The following SSH1 variants were observed in gnomAD, a reference collection of about 807,000 sequenced individuals.
SSH1 encodes slingshot protein phosphatase 1.
Under a neutral mutation model 79.7 loss-of-function variants are expected in SSH1, and 43 were observed. The ratio of observed to expected loss-of-function variants is 0.54; its 90% CI spans 0.42 to 0.70. The LOEUF is 0.70. Ranked by LOEUF, SSH1 falls within the 30% of genes least tolerant of loss-of-function variation. The probability of loss-of-function intolerance (pLI) is 0.00; values close to 1 mark genes in which losing one functional copy is unlikely to be tolerated. For synonymous variants in SSH1, 599 were observed against 538.3 expected (o/e 1.11, Z -1.56); for missense variants, 1,206 against 1,358.8 (o/e 0.89, Z 1.77).
At chr12:108,832,611 T>C (rs2038501419) in intron 2 of SSH1, among the ~76,000 whole-genome samples, 1 of 152,170 alleles carries the variant, frequency 6.6e-6, no homozygotes, top group Admixed American at 6.5e-5. Flanking sequence ...AAATTCACCA[T>C]TTGGAGAGAG....
At chr12:108,831,225 C>A (rs901890304) in intron 2 of SSH1, among the ~76,000 whole-genome samples, 1 of 152,118 alleles carries the variant, frequency 6.6e-6, no homozygotes, top group Non-Finnish European at 1.5e-5. Flanking sequence ...ATAGAACTAA[C>A]CCTCAATGGT....
Position 108,806,337 on chromosome 12 carries a change from CATG to C in SSH1, c.786_788del (p.Ile262del), listed in dbSNP as rs1159900684. 1.2e-6 allele frequency: 2 copies of C among 1,614,052 alleles called. No homozygotes were observed. Among genetic ancestry groups the C allele is most frequent in the Non-Finnish European group, 1.7e-6 (2 of 1,180,042 alleles). On this transcript the variant is annotated inframe_deletion, in exon 9 of 15. Coordinates refer to ENST00000326495, the MANE Select transcript of SSH1 (RefSeq NM_018984.4). ...TCACATTTTCTAGATCCTGGCTCAT[CATG>C]ATGCTTCGGAGCTTGGCTTTGATGA...
intron 2 of SSH1, among the ~76,000 whole-genome samples, chr12:108,825,446 T>C (rs937271819): frequency 7.2e-5 from 11 of 152,218 alleles, no homozygotes; most frequent in South Asian, 2.1e-4. Flanking sequence ...AAGACTGTTA[T>C]GTTCTATGAT....
At chr12:108,799,273 A>C in intron 12 of SSH1, 73 bp from the exon 13 acceptor site, 1 of 1,271,064 alleles carries the variant, frequency 7.9e-7, no homozygotes, top group South Asian at 1.3e-5. Context: ...AAGCTCCAAC[A>C]ACTTCATTCT....
chr12:108,827,344 T>G (rs760368723), intron 2 of SSH1: 1 of 1,549,620 alleles, frequency 6.5e-7, no homozygotes, highest in African/African-American at 1.4e-5. Context: ...ATAAAAGAGG[T>G]TCGTGGCTGC....
intron 7 of SSH1, among the ~76,000 whole-genome samples, chr12:108,808,457 C>T (rs2037399251): frequency 6.6e-6 from 1 of 152,216 alleles, no homozygotes; most frequent in African/African-American, 2.4e-5. Context: ...CTCTTCCAAT[C>T]AGGTGGTTCA....
At chr12:108,800,328 G>A (rs562781775) in intron 12 of SSH1, among the ~76,000 whole-genome samples, 17 of 152,258 alleles carry the variant, frequency 1.1e-4, no homozygotes, top group Non-Finnish European at 1.5e-5. Context: ...AGGGAGGGAA[G>A]AAGGGCCGTA....
rs1313211174 is a variant in SSH1 at position 108,783,245 on chromosome 12, G to T, written c.*4743C>A. The T allele has an allele frequency of 6.6e-6, 1 of 152,258 alleles. No individual in the cohort carries two copies. 9.4% of individuals were successfully genotyped at this position (152,258 alleles called of 1,614,324 possible). The stretch of plus-strand genomic sequence containing the variant: ...GCAGGAACCGCCAGTGTTGTTTCTA[G>T]CAAGGCTCCTTGGAATAGATGTGAA... On this transcript the variant is annotated 3_prime_UTR_variant, in exon 15 of 15. Transcript: ENST00000326495.
Position 108,800,934 on chromosome 12 carries a change from G to T in SSH1, c.1002-8C>A. The T allele has an allele frequency of 6.2e-7, 1 of 1,610,540 alleles. No homozygotes were observed. Among genetic ancestry groups the T allele is most frequent in the African/African-American group, 1.3e-5 (1 of 74,768 alleles). Reference sequence around the variant, plus strand: ...TTTAAAATGTAATCAACCCTGCAATGAGAAAAAAATAAGAAACAAATTTGG... The same window carrying T: ...TTTAAAATGTAATCAACCCTGCAATTAGAAAAAAATAAGAAACAAATTTGG... On this transcript the variant is annotated splice_polypyrimidine_tract_variant and splice_region_variant and intron_variant, in intron 11 of 14. Coordinates refer to ENST00000326495, the MANE Select transcript of SSH1 (RefSeq NM_018984.4).
chr12:108,837,687 T>C (rs2038672727), intron 2 of SSH1, among the ~76,000 whole-genome samples: 1 of 152,238 alleles, frequency 6.6e-6, no homozygotes, highest in African/African-American at 2.4e-5. Context: ...ATAAACTGTG[T>C]AATGACCAAG....
intron 6 of SSH1, among the ~76,000 whole-genome samples, 164 bp downstream of exon 6, chr12:108,811,096 T>TC (rs796359723): frequency 2.6e-5 from 4 of 152,166 alleles, no homozygotes; most frequent in African/African-American, 9.6e-5. Flanking sequence ...AAACATACCC[T>TC]CCCTCGTGCC....
chr12:108,791,899 A>G, intron 14 of SSH1: 1 of 1,258,638 alleles, frequency 7.9e-7, no homozygotes, highest in Non-Finnish European at 1.0e-6. Flanking sequence ...GAAAAAGAAT[A>G]GTCATATATC....
Position 108,782,555 on chromosome 12 carries a change from T to G in SSH1, c.*5433A>C, listed in dbSNP as rs539767577. On this transcript the variant is annotated 3_prime_UTR_variant, in exon 15 of 15. Transcript: ENST00000326495. ...CTTTCTTTGGTGTAACTTGTCCAGG[T>G]TTTCTAGCAAAGAACTGAGCATGTA... 6 of 152,172 alleles carry G rather than the reference T, an allele frequency of 3.9e-5. No homozygotes were observed. Among genetic ancestry groups the G allele is most frequent in the African/African-American group, 1.2e-4 (5 of 41,530 alleles). The allele number at this position is 152,172 out of a possible 1,614,324, so 9.4% of individuals were successfully genotyped here.
intron 2 of SSH1, among the ~76,000 whole-genome samples, chr12:108,852,353 C>A (rs2039059193): frequency 6.6e-6 from 1 of 151,890 alleles, no homozygotes; most frequent in Non-Finnish European, 1.5e-5. Flanking sequence ...CTCAGCCCCC[C>A]AAGTAGCTGG....
At position 108,807,466 on chromosome 12, in the gene SSH1, A is replaced by G. The variant is rs2037340344; in HGVS notation, c.731+167T>C. Reference sequence around the variant, plus strand: ...TTTGCATGGGACAGGGGCCTGTGTCACAGACCCCTGCTTTAAACGCTGGTT... The same window carrying G: ...TTTGCATGGGACAGGGGCCTGTGTCGCAGACCCCTGCTTTAAACGCTGGTT... On this transcript the variant is annotated intron_variant, in intron 8 of 14. Transcript: ENST00000326495. The surrounding 1 kb of genome is among the most constrained non-coding windows in gnomAD (Gnocchi z 5.2). The G allele has an allele frequency of 1.8e-5, 11 of 607,126 alleles. No individual in the cohort carries two copies. The highest frequency in any genetic ancestry group is 3.2e-5 in the Non-Finnish European group (11 of 345,216). The allele number at this position is 607,126 out of a possible 1,614,324, so 37.6% of individuals were successfully genotyped here.
At chr12:108,849,520 G>A (rs972764922) in intron 2 of SSH1, among the ~76,000 whole-genome samples, 1 of 152,106 alleles carries the variant, frequency 6.6e-6, no homozygotes, top group Non-Finnish European at 1.5e-5. Context: ...TCACACCATT[G>A]CACTCCGGCC....
chr12:108,809,556 T>C (rs899549702), intron 7 of SSH1, 137 bp downstream of exon 7: 2 of 768,324 alleles, frequency 2.6e-6, no homozygotes, highest in Non-Finnish European at 4.7e-6. Context: ...AATGATAAAC[T>C]TTATGTTACA....
At position 108,789,112 on chromosome 12, in the gene SSH1, T is replaced by C. The variant is rs138720482; in HGVS notation, c.2026A>G (p.Ile676Val). Residue 676 changes from isoleucine to valine, a missense_variant, in exon 15 of 15, where the codon ATC becomes GTC. Transcript: ENST00000326495. ...GGTAGGAAGGCTGGCTGGGTGCAGA[T>C]GGCGGGAGCATTGGGGTCCTCACAT... ...ERCEDPNAPA[I>V]CTQPAFLPHI... 2.5e-6 allele frequency: 4 copies of C among 1,613,816 alleles called. No individual in the cohort carries two copies. The highest frequency in any genetic ancestry group is 1.6e-4 in the Middle Eastern group (1 of 6,080).
intron 2 of SSH1, among the ~76,000 whole-genome samples, chr12:108,828,940 A>G (rs182155489): frequency 8.6e-4 from 131 of 152,320 alleles, no homozygotes; most frequent in Non-Finnish European, 1.3e-3. Flanking sequence ...TTTTCTCCAT[A>G]TGACAAACGA....
Sources: allele counts gnomAD v4.1 joint callset (sites outside exome capture counted in the v4.1 genomes callset), GRCh38; gene constraint gnomAD v4.1.1; non-coding constraint Gnocchi (gnomAD v3.1); transcripts MANE v1.5; gene names NCBI Gene and HGNC (gene_info 2026-07-23, HGNC 2026-07-21).